The following DPP6 variants were observed in gnomAD, a reference collection of about 807,000 sequenced individuals.
The protein encoded by DPP6 is A-type potassium channel modulatory protein DPP6.
In DPP6, 69 loss-of-function variants were observed where a neutral mutation model predicts 122.6. The observed-to-expected ratio is 0.56, with a 90% CI of 0.46 to 0.69. DPP6 has a LOEUF of 0.69. Among genes scored for constraint, DPP6 ranks in the 30% least tolerant of loss-of-function variants. The pLI is 0.00. For synonymous variants in DPP6, 418 were observed against 433.1 expected (o/e 0.97, Z 0.43); for missense variants, 928 against 1,116.9 (o/e 0.83, Z 2.41).
At chr7:154,341,870 C>G (rs1437335011) in intron 1 of DPP6, among the ~76,000 whole-genome samples, 1 of 151,952 alleles carries the variant, frequency 6.6e-6, no homozygotes, top group African/African-American at 2.4e-5. Context: ...ACATTTAGAA[C>G]CAATTAAAGA....
chr7:154,821,617 A>T lies in DPP6; in HGVS notation c.1666+14505A>T, dbSNP rs7784938. 0.06 allele frequency among the ~76,000 whole-genome samples: 5,900 copies of T among 97,780 alleles called. 380 individuals carry two copies. The highest frequency in any genetic ancestry group is 0.18 in the African/African-American group (5,385 of 30,684). The allele number at this position is 97,780 out of a possible 152,430, so 64.1% of individuals were successfully genotyped here. ...ATGTTAAGTGAATATATATATATAT[A>T]TTTTTTTTCTGTATATATATATATA... is the stretch of plus-strand genomic sequence containing the variant. On this transcript the variant is annotated intron_variant, in intron 16 of 25. Transcript: ENST00000377770. The surrounding 1 kb of genome is among the most constrained non-coding windows in gnomAD (Gnocchi z 4.2).
intron 16 of DPP6, among the ~76,000 whole-genome samples, chr7:154,829,835 C>A (rs2030791): frequency 0.76 from 114,815 of 151,938 alleles, 44,090 homozygotes; most frequent in Non-Finnish European, 0.84. Context: ...CAAACACCAT[C>A]TCTGCTCCTC....
At chr7:153,967,361 C>T (rs1208130385) in intron 1 of DPP6, among the ~76,000 whole-genome samples, 3 of 152,116 alleles carry the variant, frequency 2.0e-5, no homozygotes, top group Admixed American at 2.0e-4. Context: ...GCAGTTTGAA[C>T]TCCAGGAGCT....
chr7:154,452,862 G>A (rs1441846119), intron 2 of DPP6, among the ~76,000 whole-genome samples: 1 of 152,168 alleles, frequency 6.6e-6, no homozygotes, highest in African/African-American at 2.4e-5. Context: ...AATTAAAAGT[G>A]TTCAAGGTGA....
chr7:154,523,561 T>G (rs1827169454), intron 3 of DPP6, among the ~76,000 whole-genome samples: 1 of 152,210 alleles, frequency 6.6e-6, no homozygotes, highest in Non-Finnish European at 1.5e-5. Context: ...CTCAAAATAT[T>G]TTCTGTAGCT....
At chr7:154,717,371 C>A (rs59037533) in intron 7 of DPP6, among the ~76,000 whole-genome samples, 59,643 of 150,904 alleles carry the variant, frequency 0.4, 14,247 homozygotes, top group South Asian at 0.55. Context: ...CCATTACCCA[C>A]TTGCACACAA....
chr7:153,992,999 G>A (rs1321023086), intron 1 of DPP6, among the ~76,000 whole-genome samples: 1 of 151,636 alleles, frequency 6.6e-6, no homozygotes, highest in African/African-American at 2.4e-5. Flanking sequence ...CTCCTTCCCC[G>A]GTATACTTGG....
intron 3 of DPP6, among the ~76,000 whole-genome samples, chr7:154,533,543 T>C (rs2130148103): frequency 6.6e-6 from 1 of 152,266 alleles, no homozygotes; most frequent in East Asian, 1.9e-4. Flanking sequence ...ATAAATTTTT[T>C]CAGAAAATAG....
At position 154,111,815 on chromosome 7, in the gene DPP6, G is replaced by T. The variant is rs182230899; in HGVS notation, c.243+58752G>T. On this transcript the variant is annotated intron_variant, in intron 1 of 25. Coordinates refer to ENST00000377770, the MANE Select transcript of DPP6 (RefSeq NM_130797.4). Reference sequence around the variant, plus strand: ...GGAGGATATGACTAACTCTTAGATTGGAATTGTGTTGGTGCGTAGGCAGGT... The same window carrying T: ...GGAGGATATGACTAACTCTTAGATTTGAATTGTGTTGGTGCGTAGGCAGGT... Among the ~76,000 whole-genome samples, 3 of 152,258 alleles carry T rather than the reference G, an allele frequency of 2.0e-5. No individual in the cohort carries two copies. The East Asian group carries it at 5.8e-4, about 29-fold the overall frequency.
At chr7:153,963,070 GAC>G (rs1477964787) in intron 1 of DPP6, among the ~76,000 whole-genome samples, 11 of 152,082 alleles carry the variant, frequency 7.2e-5, no homozygotes, top group African/African-American at 2.7e-4. Flanking sequence ...ATTTATTAAA[GAC>G]CCCTGAGCTA....
At chr7:154,526,147 G>A (rs1047353973) in intron 3 of DPP6, among the ~76,000 whole-genome samples, 4 of 152,140 alleles carry the variant, frequency 2.6e-5, no homozygotes, top group African/African-American at 9.7e-5. Context: ...AAGGTCTTGT[G>A]ACATTTGGGT....
intron 4 of DPP6, among the ~76,000 whole-genome samples, chr7:154,555,064 C>A (rs1003176496): frequency 6.6e-6 from 1 of 151,966 alleles, no homozygotes; most frequent in Non-Finnish European, 1.5e-5. Context: ...AAATGACAAA[C>A]AATAAAACCA....
chr7:153,906,774 C>A (rs1215685329), intron 1 of DPP6, among the ~76,000 whole-genome samples: 2 of 152,156 alleles, frequency 1.3e-5, no homozygotes, highest in African/African-American at 4.8e-5. Context: ...TTTTTGTTGT[C>A]GAGCAATTTC....
intron 1 of DPP6, among the ~76,000 whole-genome samples, chr7:153,957,746 C>T (rs745608989): frequency 8.5e-5 from 13 of 152,230 alleles, no homozygotes; most frequent in Non-Finnish European, 1.0e-4. Flanking sequence ...ACCTCATTAA[C>T]GCTCTCTTTC....
intron 1 of DPP6, among the ~76,000 whole-genome samples, chr7:154,317,263 G>A (rs1227768543): frequency 6.6e-6 from 1 of 152,124 alleles, no homozygotes. Flanking sequence ...TTGGGAGGCT[G>A]AGGCGGGCGG....
At chr7:154,572,775 G>A (rs1177100108) in intron 5 of DPP6, among the ~76,000 whole-genome samples, 7 of 151,398 alleles carry the variant, frequency 4.6e-5, no homozygotes, top group Non-Finnish European at 8.8e-5. Context: ...CACCTCCCAG[G>A]TTCAAGTGAT....
chr7:154,419,909 C>T (rs1438692807), intron 1 of DPP6, among the ~76,000 whole-genome samples: 1 of 152,146 alleles, frequency 6.6e-6, no homozygotes, highest in African/African-American at 2.4e-5. Context: ...ATCTGCAGCA[C>T]CATTCACGGC....
rs1444043454 is a variant in DPP6, at chr7:154,618,781, A to T, written c.628-19040A>T. 1.3e-5 allele frequency among the ~76,000 whole-genome samples: 2 copies of T among 152,162 alleles called. No homozygotes were observed. Among genetic ancestry groups the T allele is most frequent in the East Asian group, 3.9e-4 (2 of 5,190 alleles). On this transcript the variant is annotated intron_variant, in intron 5 of 25. Transcript: ENST00000377770. The surrounding 1 kb of genome is among the most constrained non-coding windows in gnomAD (Gnocchi z 4.1). Reference sequence around the variant, plus strand: ...TTACTCATGTAATCTCAGCACTATTATCATCTGCATGTCACAGAGGAGGGA... The same window carrying T: ...TTACTCATGTAATCTCAGCACTATTTTCATCTGCATGTCACAGAGGAGGGA...
rs908654948 is a variant in DPP6 at position 154,074,135 on chromosome 7, A to C, written c.243+21072A>C. The stretch of plus-strand genomic sequence containing the variant: ...GAGATATATATAGATATCTATATAT[A>C]TCTCTCTATATATGTATATAGATAT... On this transcript the variant is annotated intron_variant, in intron 1 of 25. Coordinates refer to ENST00000377770, the MANE Select transcript of DPP6 (RefSeq NM_130797.4). Among the ~76,000 whole-genome samples, 10 of 148,654 alleles carry C rather than the reference A, an allele frequency of 6.7e-5. 2 individuals carry two copies. Among genetic ancestry groups the C allele is most frequent in the Admixed American group, 2.0e-4 (3 of 14,792 alleles).
Sources: gnomAD v4.1 joint callset for allele counts (sites outside exome capture counted in the v4.1 genomes callset) on GRCh38, gnomAD v4.1.1 for gene constraint, Gnocchi (gnomAD v3.1) non-coding constraint, MANE v1.5 for transcripts, NCBI Gene and HGNC (gene_info 2026-07-23, HGNC 2026-07-21) for gene names.